SSUH2: variants seen among roughly 807,000 people sequenced by gnomAD.
SSUH2 encodes protein SSUH2 homolog.
A neutral mutation model predicts 55.3 loss-of-function variants in SSUH2; 47 were observed. That is an observed-to-expected ratio of 0.85 (90% CI 0.67 to 1.08). The LOEUF (loss-of-function observed/expected upper bound fraction) is 1.08. SSUH2 is among the 50% of genes least tolerant of loss of function. The probability of loss-of-function intolerance (pLI) is 0.00; values close to 1 mark genes in which losing one functional copy is unlikely to be tolerated. For missense variants in SSUH2, 535 were observed against 490.7 expected (o/e 1.09, Z -0.85); for synonymous variants, 212 against 191.5 (o/e 1.11, Z -0.89).
At chr3:8,676,619 C>G (rs1705308380) in intron 3 of SSUH2, among the ~76,000 whole-genome samples, 1 of 151,080 alleles carries the variant, frequency 6.6e-6, no homozygotes, top group South Asian at 2.1e-4. Context: ...ACACATCGTG[C>G]TCTATTATGG....
At chr3:8,634,327 C>T in intron 3 of SSUH2, 1 of 1,219,152 alleles carries the variant, frequency 8.2e-7, no homozygotes, top group Non-Finnish European at 1.1e-6. Context: ...GGACCCTAAC[C>T]TCGGCCCTCT....
In SSUH2 at chr3:8,679,379, C is replaced by G. The variant is rs1385405590; in HGVS notation, c.-901+326G>C. 1.9e-5 allele frequency among the ~76,000 whole-genome samples: 2 copies of G among 107,728 alleles called. 1 individual carries two copies. Among genetic ancestry groups the G allele is most frequent in the East Asian group, 6.0e-4 (2 of 3,360 alleles). 70.7% of individuals were successfully genotyped at this position (107,728 alleles called of 152,430 possible). ...CCCCATCGCATTGGCGGGAGGCATC[C>G]CCCAGGAGGAGGGGACTGAGAGCCA... On this transcript the variant is annotated intron_variant, in intron 2 of 18. Transcript: ENST00000317371.
At chr3:8,659,878 G>A in intron 6 of SSUH2, 2 of 440,788 alleles carry the variant, frequency 4.5e-6, no homozygotes, top group South Asian at 3.3e-5. Flanking sequence ...AGTGGCATGG[G>A]TTCATGGGAA....
At chr3:8,681,774 AG>A (rs1559579996) in intron 1 of SSUH2, 4 of 146,050 alleles carry the variant, frequency 2.7e-5, no homozygotes, top group African/African-American at 1.0e-4. Flanking sequence ...TCTGGCTCTT[AG>A]GACGCCCAGC....
At chr3:8,634,484 T>A in intron 3 of SSUH2, 2 of 1,289,806 alleles carry the variant, frequency 1.6e-6, no homozygotes, top group Non-Finnish European at 2.0e-6. Context: ...ATGGCAGCCC[T>A]GAGAGCCATT....
At chr3:8,628,361 C>T (rs966316466) in intron 7 of SSUH2, among the ~76,000 whole-genome samples, 2 of 152,120 alleles carry the variant, frequency 1.3e-5, no homozygotes, top group East Asian at 1.9e-4. Flanking sequence ...CACCAAAGAA[C>T]GCGAGAAGTT....
At chr3:8,680,537 T>C (rs1705871573) in intron 1 of SSUH2, among the ~76,000 whole-genome samples, 1 of 152,050 alleles carries the variant, frequency 6.6e-6, no homozygotes, top group South Asian at 2.1e-4. Context: ...CTCCCTGCGA[T>C]ATCGTGTGTT....
At chr3:8,640,984 C>T (rs1048638154) in intron 1 of SSUH2, among the ~76,000 whole-genome samples, 23 of 152,238 alleles carry the variant, frequency 1.5e-4, no homozygotes, top group African/African-American at 5.5e-4. Flanking sequence ...AGGGACTGGG[C>T]TTCCCAGAGG....
In SSUH2 at chr3:8,635,834, C is replaced by T; in HGVS notation, c.52G>A (p.Ala18Thr). 6.5e-7 allele frequency: 1 copy of T among 1,536,004 alleles called. No individual in the cohort carries two copies. Among genetic ancestry groups the T allele is most frequent in the Non-Finnish European group, 8.7e-7 (1 of 1,146,844 alleles). The change falls in exon 2 of 12, where the codon GCC becomes ACC. Residue 18 changes from alanine to threonine, a missense_variant. By Grantham distance (58) the Ala-to-Thr change is moderately conservative (BLOSUM62 0). Transcript: ENST00000544814. Reference protein sequence around the residue: ...DDSVVDLSFEAESPLAPPTEL... With the variant: ...DDSVVDLSFETESPLAPPTEL... ...GTGGGGGGCGCCAGAGGACTCTCGGCCTCAAAACTGAGGTCCACCACACCT... is the reference window on the plus strand; with the variant it reads ...GTGGGGGGCGCCAGAGGACTCTCGGTCTCAAAACTGAGGTCCACCACACCT...
chr3:8,662,617 T>C (rs1341361873), intron 6 of SSUH2, among the ~76,000 whole-genome samples: 1 of 152,108 alleles, frequency 6.6e-6, no homozygotes, highest in Admixed American at 6.5e-5. Flanking sequence ...TATACAGAAG[T>C]AGAAGAAGGC....
chr3:8,657,092 G>T lies in SSUH2; in HGVS notation c.-307+1833C>A, dbSNP rs534413740. On this transcript the variant is annotated intron_variant, in intron 7 of 18. Transcript: ENST00000317371. Reference sequence around the variant, plus strand: ...GAGAGGGTTTTGCCATGTTGGCCAAGCTGGTCTGGAACTCTTGACCTCAAG... The same window carrying T: ...GAGAGGGTTTTGCCATGTTGGCCAATCTGGTCTGGAACTCTTGACCTCAAG... 2.0e-5 allele frequency among the ~76,000 whole-genome samples: 3 copies of T among 152,296 alleles called. No individual in the cohort carries two copies. The South Asian group carries it at 6.2e-4, about 32-fold the overall frequency.
intron 1 of SSUH2, among the ~76,000 whole-genome samples, 158 bp downstream of exon 1, chr3:8,644,573 C>T (rs1170606175): frequency 1.3e-5 from 2 of 152,160 alleles, no homozygotes; most frequent in Non-Finnish European, 1.5e-5. Flanking sequence ...GCATTTAGGG[C>T]AGATGGAAGA....
chr3:8,652,866 C>T (rs1702562387), intron 7 of SSUH2, among the ~76,000 whole-genome samples: 1 of 152,168 alleles, frequency 6.6e-6, no homozygotes, highest in Admixed American at 6.5e-5. Context: ...CTTCAGGCCA[C>T]TCTCCACAGG....
In SSUH2 at chr3:8,634,127, A is replaced by G. The variant is rs958190309; in HGVS notation, c.210-332T>C. On this transcript the variant is annotated intron_variant, in intron 3 of 11. Coordinates refer to ENST00000544814, the MANE Select transcript of SSUH2 (RefSeq NM_001256748.3). ...TTATAGATAAGAAAAACAGAGGTCCAGAGAGGATGTCGCACAGTTAAAAGG... is the reference window on the plus strand; with the variant it reads ...TTATAGATAAGAAAAACAGAGGTCCGGAGAGGATGTCGCACAGTTAAAAGG... The G allele has an allele frequency of 1.3e-4, 91 of 704,828 alleles. 4 individuals carry two copies. The South Asian group carries it at 1.5e-3, about 12-fold the overall frequency. The allele number at this position is 704,828 out of a possible 1,614,324, so 43.7% of individuals were successfully genotyped here. A position where few individuals can be genotyped will look rare whatever the true frequency, so the allele number is the denominator to read the frequency against.
Position 8,664,493 on chromosome 3 carries a change from T to C in SSUH2, c.-454-691A>G, listed in dbSNP as rs544051706. Among the ~76,000 whole-genome samples, 4 of 152,308 alleles carry C rather than the reference T, an allele frequency of 2.6e-5. No individual in the cohort carries two copies. The South Asian group carries it at 6.2e-4, about 24-fold the overall frequency. ...TCTGAGCAATTTTTTTTTACCACAT[T>C]TATGCCTTTAAAAAGCATGTATCCA... is the stretch of plus-strand genomic sequence containing the variant. On this transcript the variant is annotated intron_variant, in intron 5 of 18. Coordinates refer to the SSUH2 transcript ENST00000317371.
chr3:8,645,184 G>T (rs943196399), upstream of SSUH2, among the ~76,000 whole-genome samples: 5 of 152,186 alleles, frequency 3.3e-5, no homozygotes, highest in Non-Finnish European at 4.4e-5. Context: ...TGCAGAAAAA[G>T]GTCATAACCA....
intron 6 of SSUH2, among the ~76,000 whole-genome samples, chr3:8,661,817 G>C (rs1703519002): frequency 6.6e-6 from 1 of 152,192 alleles, no homozygotes; most frequent in Non-Finnish European, 1.5e-5. Flanking sequence ...ATCTCATCTT[G>C]AATTGTAGCT....
intron 5 of SSUH2, among the ~76,000 whole-genome samples, chr3:8,667,551 C>T (rs1406048900): frequency 6.6e-6 from 1 of 152,194 alleles, no homozygotes; most frequent in African/African-American, 2.4e-5. Flanking sequence ...GTTCCAAAGC[C>T]TCTGACACCT....
At chr3:8,664,248 G>A (rs1461955883) in intron 5 of SSUH2, among the ~76,000 whole-genome samples, 2 of 152,218 alleles carry the variant, frequency 1.3e-5, no homozygotes, top group Non-Finnish European at 2.9e-5. Flanking sequence ...CAAGAGCCTC[G>A]TGTTCTTCTC....
Sources: allele counts gnomAD v4.1 joint callset (sites outside exome capture counted in the v4.1 genomes callset), GRCh38; gene constraint gnomAD v4.1.1; transcripts MANE v1.5; gene names NCBI Gene and HGNC (gene_info 2026-07-23, HGNC 2026-07-21).